The following MAPT variants were observed in gnomAD, a reference collection of about 807,000 sequenced individuals.
MAPT encodes the protein microtubule-associated protein tau.
In MAPT, 34 loss-of-function variants were observed where a neutral mutation model predicts 67.9. The ratio of observed to expected loss-of-function variants is 0.50; its 90% CI spans 0.38 to 0.67. The LOEUF is 0.67. Ranked by LOEUF, MAPT falls within the 30% of genes least tolerant of loss-of-function variation. The pLI is 0.00. For synonymous variants in MAPT, 456 were observed against 464.5 expected, an observed-to-expected ratio of 0.98 and a Z score of 0.23; for missense variants, 881 against 1,115.2, an observed-to-expected ratio of 0.79 and a Z score of 2.99.
At chr17:45,962,242 G>A in intron 1 of MAPT, 79 bp from the exon 2 acceptor site, 1 of 1,216,304 alleles carries the variant, frequency 8.2e-7, no homozygotes, top group African/African-American at 1.5e-5. Context: ...GAACTGGGAG[G>A]AGAGGCTCCT....
chr17:45,952,111 C>T (rs1259813430), intron 1 of MAPT, among the ~76,000 whole-genome samples: 1 of 152,130 alleles, frequency 6.6e-6, no homozygotes, highest in African/African-American at 2.4e-5. Context: ...ACGTCTGGTC[C>T]AGGCTGCGTA....
Position 46,024,051 on chromosome 17 carries a change from C to A in MAPT, c.2382C>A (p.Asp794Glu). Residue 794 changes from aspartate to glutamate, a missense_variant, in exon 13 of 13, where the codon GAC (aspartate) becomes GAA (glutamate). Asp to Glu is a conservative substitution (Grantham distance 45, BLOSUM62 2). This residue lies in a region of MAPT where 79 missense variants were observed against 150.9 expected (regional missense o/e 0.52). Transcript: ENST00000262410. Reference protein sequence around the residue: ...IVYKSPVVSGDTSPRHLSNVS... With the variant: ...IVYKSPVVSGETSPRHLSNVS... ...ACAAGTCGCCAGTGGTGTCTGGGGA[C>A]ACGTCTCCACGGCATCTCAGCAATG... 6.2e-7 allele frequency: 1 copy of A among 1,614,128 alleles called. No individual in the cohort carries two copies. Among genetic ancestry groups the A allele is most frequent in the Non-Finnish European group, 8.5e-7 (1 of 1,180,026 alleles).
In MAPT at chr17:46,024,231, A is replaced by G. The variant is rs368067328; in HGVS notation, c.*60A>G. 6.7e-7 allele frequency: 1 copy of G among 1,500,070 alleles called. No homozygotes were observed. 92.9% of individuals were successfully genotyped at this position (1,500,070 alleles called of 1,614,324 possible). ...GAGAGAATGAGAGAGTGTGGAAAAAAAAAGAATAATGACCCGGCCCCCGCC... is the reference window on the plus strand; with the variant it reads ...GAGAGAATGAGAGAGTGTGGAAAAAGAAAGAATAATGACCCGGCCCCCGCC... On this transcript the variant is annotated 3_prime_UTR_variant, in exon 13 of 13. Coordinates refer to ENST00000262410, the MANE Select transcript of MAPT (RefSeq NM_001377265.1).
intron 5 of MAPT, among the ~76,000 whole-genome samples, chr17:45,986,064 G>A (rs1281628939): frequency 1.3e-5 from 2 of 152,240 alleles, no homozygotes; most frequent in Non-Finnish European, 2.9e-5. Flanking sequence ...CGCTGATGCT[G>A]GCTGACAGGT....
chr17:45,919,064 T>TA (rs80344216), intron 1 of MAPT, among the ~76,000 whole-genome samples: 489 of 104,108 alleles, frequency 4.7e-3, no homozygotes, highest in East Asian at 7.0e-3. Context: ...TCTGTCTCAA[T>TA]AAAAAAAAAA....
intron 1 of MAPT, among the ~76,000 whole-genome samples, chr17:45,941,751 C>T (rs1355122263): frequency 7.0e-6 from 1 of 143,508 alleles, no homozygotes; most frequent in Non-Finnish European, 1.5e-5. Context: ...TCCTTCCTTC[C>T]TTCCTGGTAT....
chr17:45,923,877 G>A (rs2066003613), intron 1 of MAPT, among the ~76,000 whole-genome samples: 1 of 152,186 alleles, frequency 6.6e-6, no homozygotes, highest in African/African-American at 2.4e-5. Context: ...ACCTCTCCAT[G>A]CCTGAGTTTC....
intron 1 of MAPT, among the ~76,000 whole-genome samples, chr17:45,938,160 A>G (rs539607987): frequency 6.6e-6 from 1 of 152,360 alleles, no homozygotes; most frequent in Middle Eastern, 3.4e-3. Context: ...ACACAAATGT[A>G]TTACCTTACA....
chr17:45,901,415 C>T (rs2063604691), intron 1 of MAPT, among the ~76,000 whole-genome samples: 1 of 152,164 alleles, frequency 6.6e-6, no homozygotes, highest in Non-Finnish European at 1.5e-5. Flanking sequence ...AGAGATTTTA[C>T]AAATGAAGTA....
rs1568207370 is a variant in MAPT at position 45,941,680 on chromosome 17, C to CTCCTTCCTTCCTTCCCTCCT, written c.-17-20626_-17-20625insCTCCTTCCTTCCTTCCTTCC. ...CACCCTTCCCCCCTTCCCCCCTTCC[C>CTCCTTCCTTCCTTCCCTCCT]TCCTTCCTTCCTTCCTTCCTGCCTG... On this transcript the variant is annotated intron_variant, in intron 1 of 12. Coordinates refer to ENST00000262410, the MANE Select transcript of MAPT (RefSeq NM_001377265.1). 2.7e-4 allele frequency among the ~76,000 whole-genome samples: 13 copies of CTCCTTCCTTCCTTCCCTCCT among 47,278 alleles called. No homozygotes were observed. In the East Asian group the frequency reaches 0.031, roughly 112 times the overall value. The allele number at this position is 47,278 out of a possible 152,430, so 31.0% of individuals were successfully genotyped here. A position where few individuals can be genotyped will look rare whatever the true frequency, so the allele number is the denominator to read the frequency against.
At chr17:45,965,705 C>T (rs1425655012) in intron 2 of MAPT, among the ~76,000 whole-genome samples, 1 of 147,106 alleles carries the variant, frequency 6.8e-6, no homozygotes, top group Admixed American at 6.8e-5. Context: ...CATGAGCCAC[C>T]GTGCCCAGTC....
rs978978864 is a variant in MAPT, at chr17:46,026,160, G to A, written c.*1989G>A. The stretch of plus-strand genomic sequence containing the variant: ...AGAGGTTTCTAACCCACCCTCACGA[G>A]GTGTCTCTCACCCCCACACTGGGAC... On this transcript the variant is annotated 3_prime_UTR_variant, in exon 13 of 13. Coordinates refer to ENST00000262410, the MANE Select transcript of MAPT (RefSeq NM_001377265.1). 2.0e-5 allele frequency: 3 copies of A among 152,306 alleles called. No individual in the cohort carries two copies. The highest frequency in any genetic ancestry group is 7.3e-5 in the African/African-American group (3 of 41,308). The allele number at this position is 152,306 out of a possible 1,614,324, so 9.4% of individuals were successfully genotyped here. A position where few individuals can be genotyped will look rare whatever the true frequency, so the allele number is the denominator to read the frequency against.
At chr17:45,965,616 C>G (rs1438982964) in intron 2 of MAPT, among the ~76,000 whole-genome samples, 1 of 151,820 alleles carries the variant, frequency 6.6e-6, no homozygotes, top group Non-Finnish European at 1.5e-5. Context: ...GGGTTTCACC[C>G]TGTTGGCCAG....
chr17:45,969,098 A>G (rs917616879), intron 2 of MAPT: 1 of 152,212 alleles, frequency 6.6e-6, no homozygotes, highest in African/African-American at 2.4e-5. Flanking sequence ...GAATAGGACA[A>G]TTAGACAGCA....
chr17:45,992,006 G>A (rs190856654), intron 8 of MAPT, among the ~76,000 whole-genome samples: 4 of 151,992 alleles, frequency 2.6e-5, no homozygotes, highest in Admixed American at 6.5e-5. Context: ...GGCTGGTCTC[G>A]AACGCCTGAC....
chr17:45,903,465 A>T (rs937270115), intron 1 of MAPT, among the ~76,000 whole-genome samples: 1 of 151,896 alleles, frequency 6.6e-6, no homozygotes, highest in Non-Finnish European at 1.5e-5. Flanking sequence ...CACGCCTGTA[A>T]TCCCAGCACT....
chr17:45,910,216 C>T (rs905637832), intron 1 of MAPT, among the ~76,000 whole-genome samples: 1 of 152,102 alleles, frequency 6.6e-6, no homozygotes, highest in African/African-American at 2.4e-5. Flanking sequence ...CCCCCCACTC[C>T]CCAAATTACT....
intron 9 of MAPT, among the ~76,000 whole-genome samples, chr17:45,998,809 G>A (rs2074735998): frequency 6.6e-6 from 1 of 151,972 alleles, no homozygotes. Flanking sequence ...CTCGAAAGTC[G>A]CCTCCAGAAG....
chr17:45,920,944 G>A (rs2065653323), intron 1 of MAPT, among the ~76,000 whole-genome samples: 1 of 152,188 alleles, frequency 6.6e-6, no homozygotes, highest in Non-Finnish European at 1.5e-5. Flanking sequence ...CATTTTAATG[G>A]CAAATTATAG....
Sources: gnomAD v4.1 joint callset for allele counts (sites outside exome capture counted in the v4.1 genomes callset) on GRCh38, gnomAD v4.1.1 for gene constraint, gnomAD v4.1.1 regional missense constraint, MANE v1.5 for transcripts, NCBI Gene and HGNC (gene_info 2026-07-23, HGNC 2026-07-21) for gene names.